Variants in SHTN1 observed in about 807,000 individuals in gnomAD.
SHTN1 encodes shootin-1.
Under a neutral mutation model 83.1 loss-of-function variants are expected in SHTN1, and 42 were observed. The ratio of observed to expected loss-of-function variants is 0.51; its 90% confidence interval spans 0.39 to 0.65. SHTN1 has a LOEUF of 0.65. SHTN1 is among the 30% of genes least tolerant of loss of function. The pLI, the probability that SHTN1 is intolerant of heterozygous loss-of-function variation, is 0.00. For synonymous variants in SHTN1, 224 were observed against 247.7 expected (o/e 0.90, Z 0.90); for missense variants, 622 against 737.8 (o/e 0.84, Z 1.82).
intron 4 of SHTN1, among the ~76,000 whole-genome samples, chr10:116,958,982 CAAG>C (rs756015236): frequency 6.6e-6 from 1 of 152,054 alleles, no homozygotes; most frequent in Non-Finnish European, 1.5e-5. Flanking sequence ...TTGTTAATAA[CAAG>C]AAAAAATAGA....
intron 16 of SHTN1, among the ~76,000 whole-genome samples, chr10:116,899,423 G>C (rs1274144198): frequency 6.6e-6 from 1 of 152,016 alleles, no homozygotes; most frequent in African/African-American, 2.4e-5. Flanking sequence ...GACCATACTA[G>C]GCAGCGAAGG....
At chr10:116,930,297 T>C (rs1564882563) in intron 9 of SHTN1, among the ~76,000 whole-genome samples, 1 of 152,092 alleles carries the variant, frequency 6.6e-6, no homozygotes, top group Admixed American at 6.6e-5. Context: ...GTAAATTGTG[T>C]GTCACAGGGG....
At chr10:117,007,455 G>A (rs1279185143), upstream of SHTN1, among the ~76,000 whole-genome samples, 1 of 145,246 alleles carries the variant, frequency 6.9e-6, no homozygotes, top group Non-Finnish European at 1.5e-5. Context: ...GCGGCCTCTT[G>A]CAATTAATCC....
intron 7 of SHTN1, among the ~76,000 whole-genome samples, chr10:116,948,320 T>C (rs751578132): frequency 1.3e-5 from 2 of 152,182 alleles, no homozygotes; most frequent in Non-Finnish European, 2.9e-5. Flanking sequence ...CAGGTCTGCT[T>C]TTCCTGATCA....
intron 12 of SHTN1, among the ~76,000 whole-genome samples, chr10:116,920,636 G>A (rs149256048): frequency 4.6e-5 from 7 of 152,014 alleles, no homozygotes; most frequent in East Asian, 1.9e-4. Context: ...TTCTCATCAC[G>A]TTATACCTCT....
intron 9 of SHTN1, among the ~76,000 whole-genome samples, chr10:116,933,210 G>A (rs1274982427): frequency 1.3e-5 from 2 of 151,864 alleles, no homozygotes; most frequent in African/African-American, 2.4e-5. Context: ...GGATACATGT[G>A]TAGAATGTGC....
intron 11 of SHTN1, among the ~76,000 whole-genome samples, chr10:116,924,830 T>C (rs1423534629): frequency 7.0e-6 from 1 of 142,372 alleles, no homozygotes; most frequent in Non-Finnish European, 1.5e-5. Flanking sequence ...CAATCTTGGC[T>C]CGCTGCAAGC....
intron 3 of SHTN1, among the ~76,000 whole-genome samples, chr10:116,962,076 T>C (rs546452583): frequency 4.7e-4 from 59 of 126,350 alleles, no homozygotes; most frequent in African/African-American, 1.6e-3. Context: ...CTTCTTCTCT[T>C]CTATCTCTTG....
chr10:117,109,362 ACT>A (rs1853726341), intron 1 of SHTN1, among the ~76,000 whole-genome samples: 1 of 151,888 alleles, frequency 6.6e-6, no homozygotes, highest in African/African-American at 2.4e-5. Context: ...CACAGTAGAC[ACT>A]CAATACATGT....
chr10:117,046,398 A>C (rs1269452658), intron 2 of SHTN1, among the ~76,000 whole-genome samples: 1 of 152,202 alleles, frequency 6.6e-6, no homozygotes, highest in Non-Finnish European at 1.5e-5. Flanking sequence ...AATGTGGAGA[A>C]ATTGGAAGCA....
chr10:117,036,902 T>A (rs1852505981), intron 2 of SHTN1, among the ~76,000 whole-genome samples: 1 of 152,184 alleles, frequency 6.6e-6, no homozygotes, highest in African/African-American at 2.4e-5. Flanking sequence ...CATAAATATA[T>A]ATACCTTCTA....
At chr10:117,095,772 T>G (rs771067412) in intron 1 of SHTN1, among the ~76,000 whole-genome samples, 4 of 152,224 alleles carry the variant, frequency 2.6e-5, no homozygotes, top group Admixed American at 2.0e-4. Flanking sequence ...TTAATTTCTT[T>G]TTCAGGTCTC....
At chr10:116,914,138 G>C (rs1848297869) in intron 13 of SHTN1, among the ~76,000 whole-genome samples, 1 of 152,068 alleles carries the variant, frequency 6.6e-6, no homozygotes, top group South Asian at 2.1e-4. Flanking sequence ...CTCTCGCCTT[G>C]CCTGGCTATC....
At chr10:116,982,086 C>T (rs1851042464) in intron 1 of SHTN1, among the ~76,000 whole-genome samples, 1 of 152,014 alleles carries the variant, frequency 6.6e-6, no homozygotes, top group Admixed American at 6.6e-5. Flanking sequence ...AAACAGAAAC[C>T]CATGATCTTA....
intron 2 of SHTN1, among the ~76,000 whole-genome samples, chr10:117,013,012 T>G (rs1330948623): frequency 1.3e-5 from 2 of 152,106 alleles, no homozygotes; most frequent in Admixed American, 1.3e-4. Context: ...GCCTAGAAGT[T>G]TAAGGCTGCA....
chr10:117,020,199 T>C (rs1019673718), intron 2 of SHTN1, among the ~76,000 whole-genome samples: 2 of 151,516 alleles, frequency 1.3e-5, no homozygotes, highest in Non-Finnish European at 2.9e-5. Context: ...AATAGAAAAA[T>C]AGAGAGAAGT....
chr10:117,024,647 C>T (rs549875204), intron 2 of SHTN1, among the ~76,000 whole-genome samples: 3 of 151,960 alleles, frequency 2.0e-5, no homozygotes, highest in South Asian at 2.1e-4. Flanking sequence ...CGTGAGCCAC[C>T]GCGCCCGGCC....
chr10:116,881,668 A>G lies in SHTN1; in HGVS notation c.*4676T>C. The stretch of plus-strand genomic sequence containing the variant: ...GCCGAAACAGGAGCATCCTCTGGAT[A>G]GGGCTGTACACACCCCAGGTTCCAG... On this transcript the variant is annotated 3_prime_UTR_variant, in exon 17 of 17. Coordinates refer to ENST00000355371, the MANE Select transcript of SHTN1 (RefSeq NM_001127211.3). 1 of 1,518,530 alleles carries G rather than the reference A, an allele frequency of 6.6e-7. No individual in the cohort carries two copies. 94.1% of individuals were successfully genotyped at this position (1,518,530 alleles called of 1,614,324 possible).
Position 116,924,946 on chromosome 10 carries a change from C to T in SHTN1, c.1112+2846G>A, listed in dbSNP as rs559349884. Among the ~76,000 whole-genome samples, 95 of 151,794 alleles carry T rather than the reference C, an allele frequency of 6.3e-4. No homozygotes were observed. In the South Asian group the frequency reaches 0.015, roughly 24 times the overall value. On this transcript the variant is annotated intron_variant, in intron 11 of 16. Coordinates refer to ENST00000355371, the MANE Select transcript of SHTN1 (RefSeq NM_001127211.3). ...ATTTTTTTTGTATTTTTAGTAGAGA[C>T]GGGGTTTCACCATGTTAGCCAGGAT... is the stretch of plus-strand genomic sequence containing the variant.
Sources: allele counts gnomAD v4.1 joint callset (sites outside exome capture counted in the v4.1 genomes callset), GRCh38; gene constraint gnomAD v4.1.1; transcripts MANE v1.5; gene names NCBI Gene and HGNC (gene_info 2026-07-23, HGNC 2026-07-21).